The following UTS2 variants were observed in gnomAD, a reference collection of about 807,000 sequenced individuals.
UTS2 encodes urotensin 2.
A neutral mutation model predicts 12.6 loss-of-function variants in UTS2; 10 were observed. That is an observed-to-expected ratio of 0.80 (90% CI 0.49 to 1.35). The LOEUF is 1.35. UTS2 is among the 40% of genes most tolerant of loss of function. The pLI, the probability that UTS2 is intolerant of heterozygous loss-of-function variation, is 0.00. For missense variants in UTS2, 142 were observed against 143.2 expected (o/e 0.99, Z 0.04); for synonymous variants, 52 against 50.0 (o/e 1.04, Z -0.17).
chr1:7,847,936 C>T (rs1415726815), intron 3 of UTS2, 54 bp from the exon 4 acceptor site: 10 of 1,263,980 alleles, frequency 7.9e-6, no homozygotes, highest in Non-Finnish European at 1.1e-5. Context: ...AAGTTACCAA[C>T]GAGTGACGAT....
At chr1:7,896,402 A>C in the UTS2 span, among the ~76,000 whole-genome samples, 1 of 152,196 alleles carries the variant, frequency 6.6e-6, no homozygotes, top group African/African-American at 2.4e-5. Context: ...CATTCATGTA[A>C]CTGAGCATTA....
chr1:7,855,355 G>A (rs994341067), upstream of UTS2, among the ~76,000 whole-genome samples: 7 of 151,498 alleles, frequency 4.6e-5, no homozygotes, highest in Admixed American at 3.3e-4. Flanking sequence ...AGGCTGAGGC[G>A]GGCAGATCAC....
At chr1:7,906,449 G>GAGAAAGAAAA in the UTS2 span, among the ~76,000 whole-genome samples, 1 of 73,226 alleles carries the variant, frequency 1.4e-5, no homozygotes, top group East Asian at 4.1e-4. Context: ...GAAAGAAAAA[G>GAGAAAGAAAA]AGAAAGAAAG....
the UTS2 span, among the ~76,000 whole-genome samples, chr1:7,890,844 C>CAAA: frequency 1.9e-3 from 215 of 112,206 alleles, 2 homozygotes; most frequent in South Asian, 5.4e-3. Flanking sequence ...AAGACTGTCT[C>CAAA]AAAAAAAAAA....
the UTS2 span, among the ~76,000 whole-genome samples, chr1:7,897,919 T>C: frequency 6.6e-6 from 1 of 152,150 alleles, no homozygotes; most frequent in Non-Finnish European, 1.5e-5. Context: ...GTCGCATCCT[T>C]CTTTTGGTAG....
the UTS2 span, among the ~76,000 whole-genome samples, chr1:7,911,131 G>C: frequency 6.6e-6 from 1 of 152,138 alleles, no homozygotes; most frequent in East Asian, 1.9e-4. Context: ...CTATCAGACC[G>C]CAAAGGTGCA....
At chr1:7,863,551 C>A in the UTS2 span, among the ~76,000 whole-genome samples, 1 of 152,212 alleles carries the variant, frequency 6.6e-6, no homozygotes, top group African/African-American at 2.4e-5. Context: ...GCAGAGAGCT[C>A]TGTCTGTTTT....
chr1:7,913,165 T>C, the UTS2 span, among the ~76,000 whole-genome samples: 1 of 151,330 alleles, frequency 6.6e-6, no homozygotes, highest in Non-Finnish European at 1.5e-5. Flanking sequence ...GTGAGAGATA[T>C]GGGACTCTGT....
the UTS2 span, among the ~76,000 whole-genome samples, chr1:7,865,588 A>G: frequency 6.6e-6 from 1 of 152,122 alleles, no homozygotes; most frequent in Admixed American, 6.5e-5. Context: ...ATCATATTGG[A>G]TTAGGGCCCA....
the UTS2 span, among the ~76,000 whole-genome samples, chr1:7,893,785 T>C: frequency 3.9e-5 from 6 of 152,198 alleles, no homozygotes; most frequent in African/African-American, 1.4e-4. Flanking sequence ...CTCACCCATA[T>C]ATTTCGTCGC....
At chr1:7,852,043 T>C (rs2097414705) in intron 1 of UTS2, among the ~76,000 whole-genome samples, 1 of 151,972 alleles carries the variant, frequency 6.6e-6, no homozygotes, top group Admixed American at 6.6e-5. Flanking sequence ...CTCGGGAAGT[T>C]GGTTGGCAGT....
the UTS2 span, among the ~76,000 whole-genome samples, chr1:7,871,362 A>C: frequency 6.6e-6 from 1 of 152,038 alleles, no homozygotes; most frequent in Admixed American, 6.5e-5. Context: ...GTGTAGAAGC[A>C]TGGGGTCATT....
the UTS2 span, among the ~76,000 whole-genome samples, chr1:7,900,622 A>G: frequency 2.3e-3 from 340 of 150,198 alleles, 1 homozygote; most frequent in African/African-American, 7.8e-3. Context: ...TACTAAAAAT[A>G]CAAAAATTAG....
the UTS2 span, among the ~76,000 whole-genome samples, chr1:7,871,312 T>A: frequency 1.3e-5 from 2 of 151,458 alleles, no homozygotes; most frequent in Non-Finnish European, 2.9e-5. Flanking sequence ...CACTCCTCTA[T>A]GTACTTATCA....
At chr1:7,889,650 C>G in the UTS2 span, among the ~76,000 whole-genome samples, 1 of 151,408 alleles carries the variant, frequency 6.6e-6, no homozygotes, top group South Asian at 2.1e-4. Flanking sequence ...ACTAAAAATA[C>G]AAAAATTAGC....
chr1:7,908,194 G>C, the UTS2 span, among the ~76,000 whole-genome samples: 2 of 151,660 alleles, frequency 1.3e-5, no homozygotes, highest in Non-Finnish European at 2.9e-5. Flanking sequence ...AGCTACTCCG[G>C]AGCCTGGGGC....
chr1:7,900,938 C>T, the UTS2 span, among the ~76,000 whole-genome samples: 2 of 152,228 alleles, frequency 1.3e-5, no homozygotes, highest in South Asian at 4.2e-4. Flanking sequence ...AGGAATGATC[C>T]ACTCCATGAA....
chr1:7,859,435 G>C, the UTS2 span, among the ~76,000 whole-genome samples: 767 of 152,310 alleles, frequency 5.0e-3, 12 homozygotes, highest in African/African-American at 0.018. Context: ...ATAGTGGGGA[G>C]AATGGTGGGG....
chr1:7,886,016 C>T, the UTS2 span, among the ~76,000 whole-genome samples: 1 of 135,082 alleles, frequency 7.4e-6, no homozygotes, highest in Admixed American at 7.1e-5. Context: ...GCCTCTCCGA[C>T]GCATCGGAAG....
Sources: allele counts gnomAD v4.1 joint callset (sites outside exome capture counted in the v4.1 genomes callset), GRCh38; gene constraint gnomAD v4.1.1; transcripts MANE v1.5; gene names NCBI Gene and HGNC (gene_info 2026-07-23, HGNC 2026-07-21).